STIM1: variants seen among roughly 807,000 people sequenced by gnomAD.
STIM1 encodes stromal interaction molecule 1.
In STIM1, 25 loss-of-function variants were observed where a neutral mutation model predicts 74.7. That is an observed-to-expected ratio of 0.33 (90% CI 0.24 to 0.47). STIM1 has a LOEUF of 0.47. STIM1 is among the 20% of genes least tolerant of loss of function. The pLI is 1.00. For synonymous variants in STIM1, 328 were observed against 348.8 expected, an observed-to-expected ratio of 0.94 and a Z score of 0.66; for missense variants, 728 against 920.8, an observed-to-expected ratio of 0.79 and a Z score of 2.71.
intron 2 of STIM1, chr11:3,973,067 C>A: frequency 2.2e-6 from 1 of 445,464 alleles, no homozygotes; most frequent in South Asian, 1.7e-5. Context: ...TAGCCACTGC[C>A]CTGATTTCCA....
chr11:3,894,682 T>C (rs960758662), intron 1 of STIM1, among the ~76,000 whole-genome samples: 17 of 152,158 alleles, frequency 1.1e-4, no homozygotes, highest in Non-Finnish European at 1.8e-4. Flanking sequence ...CTAGGAATCA[T>C]GAGCTGATAA....
intron 1 of STIM1, among the ~76,000 whole-genome samples, chr11:3,952,793 C>G (rs543682590): frequency 6.6e-6 from 1 of 152,146 alleles, no homozygotes; most frequent in Non-Finnish European, 1.5e-5. Flanking sequence ...GGGAGTCAGT[C>G]AGACACTTTC....
chr11:3,859,911 T>A (rs917981664), intron 1 of STIM1, among the ~76,000 whole-genome samples: 5 of 152,200 alleles, frequency 3.3e-5, no homozygotes, highest in Admixed American at 2.0e-4. Context: ...TTAGCTAGGT[T>A]AATTGATTCA....
At chr11:3,900,875 C>G (rs7105069) in intron 1 of STIM1, among the ~76,000 whole-genome samples, 41,330 of 151,920 alleles carry the variant, frequency 0.27, 7,356 homozygotes, top group African/African-American at 0.5. Context: ...TGTGGCTGGC[C>G]CAATGCATTG....
intron 1 of STIM1, among the ~76,000 whole-genome samples, chr11:3,860,571 A>AG (rs2090556875): frequency 6.6e-6 from 1 of 152,150 alleles, no homozygotes; most frequent in African/African-American, 2.4e-5. Flanking sequence ...GAGCTGGGGG[A>AG]GGCCTTACAG....
chr11:4,006,155 C>T (rs1393056263), intron 2 of STIM1, among the ~76,000 whole-genome samples: 1 of 152,158 alleles, frequency 6.6e-6, no homozygotes, highest in Non-Finnish European at 1.5e-5. Flanking sequence ...CATCCCCTCT[C>T]AGTATTGAAT....
chr11:3,909,445 C>G (rs191518632), intron 1 of STIM1, among the ~76,000 whole-genome samples: 121 of 152,204 alleles, frequency 7.9e-4, no homozygotes, highest in African/African-American at 2.7e-3. Context: ...ATGAGAGACC[C>G]AGGCAGAGGA....
intron 2 of STIM1, among the ~76,000 whole-genome samples, chr11:3,984,083 C>A (rs2093534418): frequency 6.6e-6 from 1 of 152,124 alleles, no homozygotes; most frequent in Admixed American, 6.6e-5. Context: ...TCAGGCTGAT[C>A]TCGAACTCCT....
chr11:3,891,897 C>T (rs900568597), intron 1 of STIM1, among the ~76,000 whole-genome samples: 17 of 152,144 alleles, frequency 1.1e-4, no homozygotes, highest in Middle Eastern at 3.2e-3. Context: ...GGAAAACAGC[C>T]ATAGATAATA....
In STIM1 at chr11:4,011,619, A is replaced by T. The variant is rs184090905; in HGVS notation, c.271-12254A>T. On this transcript the variant is annotated intron_variant, in intron 2 of 12. Transcript: ENST00000526596. ...TGTTTAAGTTCTTTGTAGATTCTGGATATTAGCCCTTTGTCAGATGGATAG... is the reference window on the plus strand; with the variant it reads ...TGTTTAAGTTCTTTGTAGATTCTGGTTATTAGCCCTTTGTCAGATGGATAG... Among the ~76,000 whole-genome samples, 196 of 152,160 alleles carry T rather than the reference A, an allele frequency of 1.3e-3. 2 individuals are homozygous for T. The highest frequency in any genetic ancestry group is 5.4e-4 in the Non-Finnish European group (37 of 68,010).
At chr11:4,034,674 G>C (rs1192755941) in intron 3 of STIM1, among the ~76,000 whole-genome samples, 3 of 152,128 alleles carry the variant, frequency 2.0e-5, no homozygotes, top group Admixed American at 2.0e-4. Context: ...TTTTTGAAGA[G>C]TTCATGTAGA....
intron 1 of STIM1, among the ~76,000 whole-genome samples, chr11:3,914,603 G>A (rs1038005500): frequency 2.6e-5 from 4 of 152,162 alleles, no homozygotes; most frequent in Admixed American, 2.0e-4. Context: ...CGCCACGCCC[G>A]GCTGATTTTT....
At chr11:3,929,162 T>G (rs1185294419) in intron 1 of STIM1, among the ~76,000 whole-genome samples, 1 of 152,264 alleles carries the variant, frequency 6.6e-6, no homozygotes, top group Non-Finnish European at 1.5e-5. Flanking sequence ...TGTTAAATTT[T>G]CTACAGATGT....
intron 6 of STIM1, among the ~76,000 whole-genome samples, chr11:4,072,900 G>A (rs2094412813): frequency 6.6e-6 from 1 of 152,112 alleles, no homozygotes; most frequent in African/African-American, 2.4e-5. Flanking sequence ...TTCATTTTCA[G>A]GGGGTTCAAC....
chr11:3,984,032 A>T (rs2135812918), intron 2 of STIM1, among the ~76,000 whole-genome samples: 1 of 152,056 alleles, frequency 6.6e-6, no homozygotes, highest in Middle Eastern at 3.4e-3. Context: ...ATGCCCGGCT[A>T]ATTTTTGTAT....
intron 1 of STIM1, among the ~76,000 whole-genome samples, chr11:3,859,414 T>C (rs531666789): frequency 6.6e-6 from 1 of 152,214 alleles, no homozygotes; most frequent in African/African-American, 2.4e-5. Context: ...TTTCTGAAGC[T>C]GGCCTGATAC....
At chr11:3,855,331 TCGC>T, upstream of STIM1, 1 of 151,770 alleles carries the variant, frequency 6.6e-6, no homozygotes, top group Non-Finnish European at 1.5e-5. Context: ...GCAGCTGCTG[TCGC>T]CGCCGCCGCA....
intron 2 of STIM1, among the ~76,000 whole-genome samples, chr11:3,969,707 G>C (rs1029806318): frequency 4.6e-5 from 7 of 152,184 alleles, no homozygotes; most frequent in African/African-American, 1.7e-4. Context: ...AAATATAGTG[G>C]GTTGGTTTGG....
At position 3,895,606 on chromosome 11, in the gene STIM1, C is replaced by CTCTCTTTCTCTTTCTT. The variant is rs1216875964; in HGVS notation, c.139+39206_139+39207insCTTTCTTTCTCTTTCT. 2.0e-3 allele frequency among the ~76,000 whole-genome samples: 135 copies of CTCTCTTTCTCTTTCTT among 66,500 alleles called. 27 individuals carry two copies. The highest frequency in any genetic ancestry group is 7.6e-3 in the East Asian group (13 of 1,710). 43.6% of individuals were successfully genotyped at this position (66,500 alleles called of 152,430 possible). A position where few individuals can be genotyped will look rare whatever the true frequency, so the allele number is the denominator to read the frequency against. ...TCCGGGAATAGTGTTCTTTCTTTCT[C>CTCTCTTTCTCTTTCTT]TCTCTTTCTTTCTTTCTTTCTTTCT... On this transcript the variant is annotated intron_variant, in intron 1 of 12. Coordinates refer to ENST00000526596, the MANE Select transcript of STIM1 (RefSeq NM_001382567.1).
Sources: gnomAD v4.1 joint callset for allele counts (sites outside exome capture counted in the v4.1 genomes callset) on GRCh38, gnomAD v4.1.1 for gene constraint, MANE v1.5 for transcripts, NCBI Gene and HGNC (gene_info 2026-07-23, HGNC 2026-07-21) for gene names.